The following SH3PXD2A variants were observed in gnomAD, a reference collection of about 807,000 sequenced individuals.
The protein encoded by SH3PXD2A is SH3 and PX domain-containing protein 2A.
In SH3PXD2A, 32 loss-of-function variants were observed where a neutral mutation model predicts 115.2. The ratio of observed to expected loss-of-function variants is 0.28; its 90% CI spans 0.21 to 0.37. The LOEUF (loss-of-function observed/expected upper bound fraction) is 0.37, where lower values mean the gene tolerates loss of function less well. Ranked by LOEUF, SH3PXD2A falls within the 10% of genes least tolerant of loss-of-function variation. The pLI is 1.00. For synonymous variants in SH3PXD2A, 610 were observed against 629.1 expected (o/e 0.97, Z 0.45); for missense variants, 1,328 against 1,498.7 (o/e 0.89, Z 1.88).
At chr10:103,623,281 G>A (rs2036637930) in intron 9 of SH3PXD2A, among the ~76,000 whole-genome samples, 1 of 148,652 alleles carries the variant, frequency 6.7e-6, no homozygotes, top group Admixed American at 6.6e-5. Flanking sequence ...CCCCTCCCCA[G>A]CTTCTCACTG....
chr10:103,777,577 A>C (rs750213494), intron 2 of SH3PXD2A, among the ~76,000 whole-genome samples: 5 of 152,230 alleles, frequency 3.3e-5, no homozygotes, highest in Non-Finnish European at 5.9e-5. Context: ...AGGGTGAATT[A>C]AGCAAAGATG....
intron 2 of SH3PXD2A, among the ~76,000 whole-genome samples, chr10:103,770,661 C>T (rs1055072066): frequency 3.3e-5 from 5 of 152,154 alleles, no homozygotes; most frequent in Non-Finnish European, 7.3e-5. Flanking sequence ...GTGTCCCTGG[C>T]AGCTGGTTAG....
rs1842842454 is a variant in SH3PXD2A, at chr10:103,845,830, CA to C, written c.72+9364del. 2.0e-5 allele frequency among the ~76,000 whole-genome samples: 3 copies of C among 152,166 alleles called. No individual in the cohort carries two copies. The South Asian group carries it at 6.2e-4, about 32-fold the overall frequency. On this transcript the variant is annotated intron_variant, in intron 1 of 14. Transcript: ENST00000369774. ...GGTCTCCTTTAGTGAGAGTACGCCT[CA>C]AAAAAGGAAAACAACGTAGGTTCTC...
chr10:103,713,417 T>C (rs758523223), intron 5 of SH3PXD2A, among the ~76,000 whole-genome samples: 3 of 152,238 alleles, frequency 2.0e-5, no homozygotes, highest in Non-Finnish European at 2.9e-5. Context: ...ATTTACCTGA[T>C]GCTGAAGTGT....
chr10:103,758,242 G>A (rs2038664184), intron 3 of SH3PXD2A, among the ~76,000 whole-genome samples: 1 of 152,128 alleles, frequency 6.6e-6, no homozygotes, highest in Non-Finnish European at 1.5e-5. Context: ...ACTTCTTACT[G>A]TTCTTCAAAC....
intron 6 of SH3PXD2A, among the ~76,000 whole-genome samples, chr10:103,687,655 C>T (rs1229748099): frequency 1.3e-5 from 2 of 152,226 alleles, no homozygotes; most frequent in African/African-American, 4.8e-5. Flanking sequence ...CAATCCCCAT[C>T]ATTCTATGAT....
rs751492735 is a variant in SH3PXD2A, at chr10:103,602,267, A to G, written c.2951T>C (p.Val984Ala). The change falls in exon 15 of 15, where the codon GTG becomes GCG. Residue 984 changes from valine (V) to alanine (A), a missense_variant. Physicochemically the swap from Val to Ala is moderately conservative, Grantham distance 64. This residue lies in a region of SH3PXD2A where 574 missense variants were observed against 565.7 expected (regional missense o/e 1.01). Coordinates refer to ENST00000369774, the MANE Select transcript of SH3PXD2A (RefSeq NM_001394015.1). ...GTTGTTGTCCTTGGGTGGCGGGGAC[A>G]CAAACACCGACTGGGGCCTGACCGC... is the stretch of plus-strand genomic sequence containing the variant. ...QVAVRPQSVF[V>A]SPPPKDNNLS... 5.0e-6 allele frequency: 8 copies of G among 1,612,464 alleles called. No homozygotes were observed. Among genetic ancestry groups the G allele is most frequent in the African/African-American group, 1.3e-5 (1 of 74,888 alleles).
chr10:103,720,710 G>A (rs1177151478), intron 5 of SH3PXD2A, among the ~76,000 whole-genome samples: 1 of 152,244 alleles, frequency 6.6e-6, no homozygotes, highest in African/African-American at 2.4e-5. Context: ...AGGGAAGGGA[G>A]GTGCACAGTC....
At chr10:103,822,159 G>A (rs905203806) in intron 1 of SH3PXD2A, among the ~76,000 whole-genome samples, 4 of 152,198 alleles carry the variant, frequency 2.6e-5, no homozygotes, top group African/African-American at 9.7e-5. Flanking sequence ...CCGAAGTGCC[G>A]AGATTACAGG....
chr10:103,695,868 C>T (rs1183475512), intron 5 of SH3PXD2A, among the ~76,000 whole-genome samples: 2 of 152,214 alleles, frequency 1.3e-5, no homozygotes, highest in Non-Finnish European at 2.9e-5. Flanking sequence ...TCCTCCCCAC[C>T]GAGGACTTCC....
intron 2 of SH3PXD2A, among the ~76,000 whole-genome samples, chr10:103,772,429 A>G (rs1365400059): frequency 6.6e-6 from 1 of 152,214 alleles, no homozygotes; most frequent in Non-Finnish European, 1.5e-5. Context: ...CCACCTTTGC[A>G]GGCAGGAAGC....
At chr10:103,718,760 G>GACACACACACACACACACAC (rs55844048) in intron 5 of SH3PXD2A, among the ~76,000 whole-genome samples, 1 of 128,338 alleles carries the variant, frequency 7.8e-6, no homozygotes, top group Non-Finnish European at 1.6e-5. Context: ...CCCCAATCAG[G>GACACACACACACACACACAC]ACACACACAC....
At chr10:103,751,565 C>T (rs1209098893) in intron 3 of SH3PXD2A, among the ~76,000 whole-genome samples, 1 of 152,222 alleles carries the variant, frequency 6.6e-6, no homozygotes, top group Non-Finnish European at 1.5e-5. Flanking sequence ...AGGTTCCACC[C>T]TGTTAACCAA....
At chr10:103,728,479 G>T (rs1187677027) in intron 4 of SH3PXD2A, among the ~76,000 whole-genome samples, 1 of 152,166 alleles carries the variant, frequency 6.6e-6, no homozygotes, top group Non-Finnish European at 1.5e-5. Flanking sequence ...TGTGACCTTA[G>T]GCAGCTCACT....
At chr10:103,706,889 G>A (rs2037987295) in intron 5 of SH3PXD2A, among the ~76,000 whole-genome samples, 1 of 152,214 alleles carries the variant, frequency 6.6e-6, no homozygotes, top group African/African-American at 2.4e-5. Context: ...AGTGCAGACA[G>A]TACATTTCCT....
At chr10:103,692,381 G>T (rs917648580) in intron 6 of SH3PXD2A, among the ~76,000 whole-genome samples, 3 of 152,080 alleles carry the variant, frequency 2.0e-5, no homozygotes, top group Admixed American at 6.5e-5. Context: ...AGGCCAATGC[G>T]GGGGGCGGGG....
At chr10:103,642,444 A>G (rs752520053) in intron 8 of SH3PXD2A, among the ~76,000 whole-genome samples, 8 of 152,216 alleles carry the variant, frequency 5.3e-5, no homozygotes, top group Non-Finnish European at 7.3e-5. Flanking sequence ...TGTGTGATGC[A>G]GAAGGATTGA....
intron 6 of SH3PXD2A, among the ~76,000 whole-genome samples, chr10:103,670,169 G>A (rs2037437768): frequency 6.6e-6 from 1 of 151,980 alleles, no homozygotes; most frequent in Non-Finnish European, 1.5e-5. Context: ...TAGAAAGCCT[G>A]GCCCCCTTCT....
intron 2 of SH3PXD2A, among the ~76,000 whole-genome samples, chr10:103,776,181 G>A (rs959403136): frequency 6.6e-6 from 1 of 152,176 alleles, no homozygotes; most frequent in African/African-American, 2.4e-5. Flanking sequence ...AAGCCCAGGA[G>A]TTTCAGACCA....
Sources: gnomAD v4.1 joint callset for allele counts (sites outside exome capture counted in the v4.1 genomes callset) on GRCh38, gnomAD v4.1.1 for gene constraint, gnomAD v4.1.1 regional missense constraint, MANE v1.5 for transcripts, NCBI Gene and HGNC (gene_info 2026-07-23, HGNC 2026-07-21) for gene names.